CUL5: variants seen among roughly 807,000 people sequenced by gnomAD.
CUL5 encodes the protein cullin-5.
In CUL5, 26 loss-of-function variants were observed where a neutral mutation model predicts 108.8. That is an observed-to-expected ratio of 0.24 (90% CI 0.18 to 0.33). The LOEUF is 0.33. CUL5 is among the 10% of genes least tolerant of loss of function. CUL5 has a pLI of 1.00. For missense variants in CUL5, 524 were observed against 909.2 expected (o/e 0.58, Z 5.45); for synonymous variants, 334 against 298.0 (o/e 1.12, Z -1.25).
Position 108,105,269 on chromosome 11 carries a change from T to C in CUL5, c.*885T>C, listed in dbSNP as rs2135259681. ...ACACACTTAATGTTTATATACCTAA[T>C]ATTTATTATGCCATATCTGAATTTA... On this transcript the variant is annotated 3_prime_UTR_variant, in exon 19 of 19. Coordinates refer to ENST00000393094, the MANE Select transcript of CUL5 (RefSeq NM_003478.6). 1 of 152,306 alleles carries C rather than the reference T, an allele frequency of 6.6e-6. No homozygotes were observed. The highest frequency in any genetic ancestry group is 2.1e-4 in the South Asian group (1 of 4,830). The allele number at this position is 152,306 out of a possible 1,614,324, so 9.4% of individuals were successfully genotyped here.
chr11:108,096,606 G>A (rs1028518932), intron 16 of CUL5, among the ~76,000 whole-genome samples: 19 of 111,876 alleles, frequency 1.7e-4, no homozygotes, highest in African/African-American at 3.1e-4. Context: ...CACTCTTGTC[G>A]CTCAGGCTGG....
intron 10 of CUL5, among the ~76,000 whole-genome samples, chr11:108,074,769 G>A (rs544094577): frequency 2.0e-5 from 3 of 152,182 alleles, no homozygotes; most frequent in South Asian, 4.1e-4. Context: ...TCGTGCCATT[G>A]CACTCCAGCC....
intron 1 of CUL5, among the ~76,000 whole-genome samples, chr11:108,019,985 A>G (rs536788992): frequency 5.9e-4 from 89 of 152,090 alleles, no homozygotes; most frequent in African/African-American, 2.0e-3. Context: ...TTTAACAACC[A>G]ACTCTCAGGG....
intron 7 of CUL5, among the ~76,000 whole-genome samples, chr11:108,057,900 T>A (rs981653872): frequency 6.6e-6 from 1 of 152,114 alleles, no homozygotes; most frequent in Non-Finnish European, 1.5e-5. Flanking sequence ...TAATCATTAA[T>A]CAAAGAAGTT....
intron 3 of CUL5, among the ~76,000 whole-genome samples, chr11:108,049,064 A>C (rs902630286): frequency 6.6e-6 from 1 of 152,266 alleles, no homozygotes; most frequent in South Asian, 2.1e-4. Flanking sequence ...TATTTCATAA[A>C]ATTGTGCAAC....
At chr11:108,060,951 C>G (rs559968939) in intron 7 of CUL5, among the ~76,000 whole-genome samples, 2 of 152,050 alleles carry the variant, frequency 1.3e-5, no homozygotes, top group African/African-American at 2.4e-5. Context: ...TGTTTTATAG[C>G]AGGCATTATT....
intron 7 of CUL5, among the ~76,000 whole-genome samples, chr11:108,057,696 A>C (rs955637642): frequency 6.6e-6 from 1 of 152,210 alleles, no homozygotes; most frequent in African/African-American, 2.4e-5. Context: ...AACTATATGC[A>C]ACATGGGCTT....
intron 4 of CUL5, among the ~76,000 whole-genome samples, chr11:108,050,535 T>C (rs111524956): frequency 5.3e-5 from 8 of 152,148 alleles, no homozygotes; most frequent in African/African-American, 1.9e-4. Flanking sequence ...CCCGGCTATT[T>C]TATTGTATTT....
intron 2 of CUL5, among the ~76,000 whole-genome samples, chr11:108,034,926 C>T (rs757432547): frequency 6.6e-6 from 1 of 152,052 alleles, no homozygotes; most frequent in African/African-American, 2.4e-5. Context: ...TCAAAATGGG[C>T]TTATGTTATC....
chr11:108,036,658 A>G (rs1862751939), intron 2 of CUL5, among the ~76,000 whole-genome samples: 1 of 152,110 alleles, frequency 6.6e-6, no homozygotes, highest in African/African-American at 2.4e-5. Context: ...TTGTATTTTC[A>G]TTAGAGACAG....
intron 3 of CUL5, among the ~76,000 whole-genome samples, chr11:108,049,657 C>T (rs755941344): frequency 4.6e-5 from 7 of 151,974 alleles, no homozygotes; most frequent in Non-Finnish European, 7.4e-5. Context: ...ATTGTTTATC[C>T]GTATTTCAGC....
At chr11:108,041,577 C>T (rs1444737700) in intron 2 of CUL5, among the ~76,000 whole-genome samples, 2 of 151,518 alleles carry the variant, frequency 1.3e-5, no homozygotes, top group Admixed American at 6.6e-5. Flanking sequence ...TGCCCACACC[C>T]GGCCTGGTTT....
At chr11:108,099,348 A>G (rs894132329) in intron 18 of CUL5, among the ~76,000 whole-genome samples, 3 of 152,216 alleles carry the variant, frequency 2.0e-5, no homozygotes, top group Non-Finnish European at 4.4e-5. Flanking sequence ...AAGATTAAAA[A>G]TGCATATTAC....
chr11:108,087,481 G>A (rs570323784), intron 11 of CUL5, among the ~76,000 whole-genome samples: 5 of 152,208 alleles, frequency 3.3e-5, no homozygotes, highest in South Asian at 2.1e-4. Flanking sequence ...ATAAATGTAA[G>A]ACTTTCAAGC....
At chr11:108,073,180 C>T (rs1042802746) in intron 9 of CUL5, among the ~76,000 whole-genome samples, 20 of 146,344 alleles carry the variant, frequency 1.4e-4, no homozygotes, top group African/African-American at 4.6e-4. Flanking sequence ...CCAGCCTGGG[C>T]GACAGATCGA....
At chr11:108,061,503 A>G (rs1863532852) in intron 7 of CUL5, among the ~76,000 whole-genome samples, 1 of 152,176 alleles carries the variant, frequency 6.6e-6, no homozygotes, top group Non-Finnish European at 1.5e-5. Context: ...ATATTTACAC[A>G]AGTAGAGAAA....
intron 3 of CUL5, among the ~76,000 whole-genome samples, chr11:108,049,666 G>A (rs1863161022): frequency 1.3e-5 from 2 of 152,090 alleles, no homozygotes; most frequent in Non-Finnish European, 2.9e-5. Flanking sequence ...CCGTATTTCA[G>A]CTAATGGATA....
intron 4 of CUL5, among the ~76,000 whole-genome samples, chr11:108,051,886 C>G (rs1229873985): frequency 6.6e-6 from 1 of 152,112 alleles, no homozygotes; most frequent in Non-Finnish European, 1.5e-5. Context: ...TTATTTTGAC[C>G]ATTTTATACA....
chr11:108,037,094 G>T (rs1248430411), intron 2 of CUL5, among the ~76,000 whole-genome samples: 1 of 151,574 alleles, frequency 6.6e-6, no homozygotes, highest in East Asian at 1.9e-4. Flanking sequence ...GAACTTTTGG[G>T]CCTCTTCCCA....
Sources: gnomAD v4.1 joint callset for allele counts (sites outside exome capture counted in the v4.1 genomes callset) on GRCh38, gnomAD v4.1.1 for gene constraint, MANE v1.5 for transcripts, NCBI Gene and HGNC (gene_info 2026-07-23, HGNC 2026-07-21) for gene names.